TES: variants seen among roughly 807,000 people sequenced by gnomAD.
TES encodes testin.
Under a neutral mutation model 48.2 loss-of-function variants are expected in TES, and 41 were observed. The observed-to-expected ratio is 0.85, with a 90% CI of 0.66 to 1.10. TES has a LOEUF of 1.10. Ranked by LOEUF, TES falls within the 50% of genes least tolerant of loss-of-function variation. TES has a pLI of 0.00. For synonymous variants in TES, 162 were observed against 174.9 expected, an observed-to-expected ratio of 0.93 and a Z score of 0.58; for missense variants, 463 against 515.1, an observed-to-expected ratio of 0.90 and a Z score of 0.98.
chr7:116,254,504 G>A (rs62475211), intron 6 of TES, among the ~76,000 whole-genome samples: 17,952 of 152,128 alleles, frequency 0.12, 1,090 homozygotes, highest in Middle Eastern at 0.14. Flanking sequence ...GGGAGGCCAA[G>A]GTGGGCGAAT....
chr7:116,234,886 T>TATCA (rs1228039640), intron 2 of TES, among the ~76,000 whole-genome samples: 5 of 152,226 alleles, frequency 3.3e-5, no homozygotes, highest in African/African-American at 1.2e-4. Flanking sequence ...ATACTGAATA[T>TATCA]ATCATCTTTC....
At chr7:116,211,904 A>T (rs1799443089) in intron 1 of TES, among the ~76,000 whole-genome samples, 1 of 152,196 alleles carries the variant, frequency 6.6e-6, no homozygotes, top group South Asian at 2.1e-4. Flanking sequence ...AGTTTTTTTC[A>T]TTCCTTGCGA....
chr7:116,244,597 G>T (rs565974879), intron 2 of TES, among the ~76,000 whole-genome samples: 10 of 152,302 alleles, frequency 6.6e-5, no homozygotes, highest in African/African-American at 2.4e-4. Flanking sequence ...GGCATTGAGT[G>T]CCTGCAGCTG....
At chr7:116,256,416 A>C (rs962364586) in intron 6 of TES, among the ~76,000 whole-genome samples, 1 of 152,218 alleles carries the variant, frequency 6.6e-6, no homozygotes, top group Admixed American at 6.5e-5. Flanking sequence ...CTTGTTATGA[A>C]ATATTTAAAA....
intron 1 of TES, among the ~76,000 whole-genome samples, chr7:116,213,345 A>G (rs919422647): frequency 5.9e-5 from 9 of 152,250 alleles, no homozygotes; most frequent in Non-Finnish European, 1.3e-4. Flanking sequence ...AACCATTTAA[A>G]TACAACTAAT....
Position 116,249,165 on chromosome 7 carries a change from T to C in TES, c.259T>C (p.Tyr87His). ...ACTAAAGTCAGATGGAATTCCCATG[T>C]ATAAACGCAATGTTATGATATTGAC... ...AKLKSDGIPM[Y>H]KRNVMILTNP... The change falls in exon 3 of 7, where the codon TAT (tyrosine) becomes CAT (histidine). Residue 87 changes from tyrosine to histidine, a missense_variant. By Grantham distance (83) the Tyr-to-His change is moderately conservative (BLOSUM62 2). Transcript: ENST00000358204. 6.2e-7 allele frequency: 1 copy of C among 1,614,136 alleles called. No individual in the cohort carries two copies. Among genetic ancestry groups the C allele is most frequent in the Non-Finnish European group, 8.5e-7 (1 of 1,179,988 alleles).
At position 116,238,585 on chromosome 7, in the gene TES, C is replaced by CATCATTATTATT. The variant is rs1554437876; in HGVS notation, c.113+3968_113+3969insCATTATTATTAT. Among the ~76,000 whole-genome samples the CATCATTATTATT allele has an allele frequency of 8.1e-3, 1,046 of 129,358 alleles. 11 individuals are homozygous for CATCATTATTATT. Among genetic ancestry groups the CATCATTATTATT allele is most frequent in the African/African-American group, 0.026 (996 of 38,356 alleles). 84.9% of individuals were successfully genotyped at this position (129,358 alleles called of 152,430 possible). ...CAACAACTGTTAACTCAACATCCAT[C>CATCATTATTATT]ATTATTATTATTATTATTATTATTA... is the stretch of plus-strand genomic sequence containing the variant. On this transcript the variant is annotated intron_variant, in intron 2 of 6. Transcript: ENST00000358204.
intron 1 of TES, among the ~76,000 whole-genome samples, chr7:116,234,101 TATTTC>T (rs1387860546): frequency 5.3e-5 from 8 of 152,276 alleles, no homozygotes; most frequent in African/African-American, 1.9e-4. Flanking sequence ...ATAAAAATAA[TATTTC>T]AGTTGTAATT....
In TES at chr7:116,257,470, G is replaced by C. The variant is rs771777884; in HGVS notation, c.1254G>C (p.Lys418Asn). Residue 418 changes from lysine to asparagine, a missense_variant, in exon 7 of 7, where the codon AAG becomes AAC. By Grantham distance (94) the Lys-to-Asn change is moderately conservative. Transcript: ENST00000358204. ...TTTTCTGTTCAGTGGAATGTAAGAA[G>C]AGGATGTCTTAGGAGGAGGGCACCC... Reference protein sequence around the residue: ...GMVFCSVECKKRMS With the variant: ...GMVFCSVECKNRMS The C allele has an allele frequency of 8.1e-6, 13 of 1,610,832 alleles. No homozygotes were observed. The highest frequency in any genetic ancestry group is 1.0e-5 in the Non-Finnish European group (12 of 1,178,426).
chr7:116,243,856 G>T (rs1199745432), intron 2 of TES: 1 of 152,134 alleles, frequency 6.6e-6, no homozygotes, highest in Non-Finnish European at 1.5e-5. Context: ...CAGCATGGCT[G>T]GGAAGTCCTC....
intron 1 of TES, among the ~76,000 whole-genome samples, chr7:116,221,443 T>C (rs545046643): frequency 7.2e-5 from 11 of 152,162 alleles, no homozygotes; most frequent in Non-Finnish European, 1.5e-4. Context: ...GCACCTCCCA[T>C]TAAAAAGTGG....
At chr7:116,246,874 A>ATT (rs1563013176) in intron 2 of TES, among the ~76,000 whole-genome samples, 91 of 118,576 alleles carry the variant, frequency 7.7e-4, no homozygotes, top group African/African-American at 2.8e-3. Flanking sequence ...TTCTCTGTGT[A>ATT]TGTGTGTGTG....
intron 1 of TES, among the ~76,000 whole-genome samples, chr7:116,222,319 G>C (rs2116577957): frequency 6.6e-6 from 1 of 152,222 alleles, no homozygotes; most frequent in South Asian, 2.1e-4. Context: ...TGCTGTCTCT[G>C]TTGGGCATTA....
At position 116,210,743 on chromosome 7, in the gene TES, G is replaced by T. The variant is rs1430320786; in HGVS notation, c.27+9G>T. The T allele has an allele frequency of 2.4e-6, 3 of 1,242,986 alleles. No individual in the cohort carries two copies. Among genetic ancestry groups the T allele is most frequent in the South Asian group, 7.9e-5 (2 of 25,286 alleles). The allele number at this position is 1,242,986 out of a possible 1,614,324, so 77.0% of individuals were successfully genotyped here. A position where few individuals can be genotyped will look rare whatever the true frequency, so the allele number is the denominator to read the frequency against. ...AAAACAAAGTGAAGAAGGTAGGGGG[G>T]CGCTCGTGGCGGGCGGCGGCTGCTT... On this transcript the variant is annotated intron_variant, in intron 1 of 6. Coordinates refer to ENST00000358204, the MANE Select transcript of TES (RefSeq NM_015641.4).
chr7:116,244,200 C>T (rs1277907948), intron 2 of TES, among the ~76,000 whole-genome samples: 2 of 152,160 alleles, frequency 1.3e-5, no homozygotes, highest in Non-Finnish European at 2.9e-5. Context: ...TTCCAACAGT[C>T]CCCCAAAGTC....
chr7:116,239,881 G>T (rs1008897060), intron 2 of TES, among the ~76,000 whole-genome samples: 1 of 148,992 alleles, frequency 6.7e-6, no homozygotes, highest in African/African-American at 2.5e-5. Flanking sequence ...GGAGTTTATA[G>T]CCAGTTATTT....
intron 2 of TES, chr7:116,238,200 A>AG (rs1234931934): frequency 6.6e-6 from 1 of 152,254 alleles, no homozygotes; most frequent in Non-Finnish European, 1.5e-5. Context: ...GCCAGTGACA[A>AG]GGGATCCCAC....
intron 2 of TES, chr7:116,237,843 G>GGT (rs56297740): frequency 0.33 from 50,183 of 151,066 alleles, 8,704 homozygotes; most frequent in East Asian, 0.57. Flanking sequence ...GGTGTGTGTG[G>GGT]GTGTGTGTGT....
intron 1 of TES, chr7:116,217,647 A>T (rs1430636261): frequency 2.8e-6 from 1 of 363,158 alleles, no homozygotes; most frequent in Non-Finnish European, 5.4e-6. Context: ...AATCAAAAAC[A>T]TTGCAAAACT....
Sources: allele counts gnomAD v4.1 joint callset (sites outside exome capture counted in the v4.1 genomes callset), GRCh38; gene constraint gnomAD v4.1.1; transcripts MANE v1.5; gene names NCBI Gene and HGNC (gene_info 2026-07-23, HGNC 2026-07-21).